The following SGMS2 variants were observed in gnomAD, a reference collection of about 807,000 sequenced individuals.
SGMS2 encodes the protein phosphatidylcholine:ceramide cholinephosphotransferase 2.
Under a neutral mutation model 43.8 loss-of-function variants are expected in SGMS2, and 21 were observed. That is an observed-to-expected ratio of 0.48 (90% CI 0.34 to 0.69). SGMS2 has a LOEUF of 0.69. Ranked by LOEUF, SGMS2 falls within the 30% of genes least tolerant of loss-of-function variation. SGMS2 has a pLI of 0.01. For synonymous variants in SGMS2, 167 were observed against 160.6 expected (o/e 1.04, Z -0.30); for missense variants, 384 against 443.2 (o/e 0.87, Z 1.20).
At chr4:107,824,782 C>T (rs1725470677), upstream of SGMS2, 1 of 152,378 alleles carries the variant, frequency 6.6e-6, no homozygotes, top group Admixed American at 6.5e-5. Flanking sequence ...ACTGCTGCCA[C>T]CGGGCCGACG....
At chr4:107,876,721 C>CT (rs1215640679) in intron 2 of SGMS2, among the ~76,000 whole-genome samples, 36 of 151,978 alleles carry the variant, frequency 2.4e-4, no homozygotes, top group East Asian at 9.7e-4. Flanking sequence ...GAGAACTATT[C>CT]TTTTTTTTCA....
At chr4:107,867,943 C>T (rs1327037021) in intron 2 of SGMS2, 2 of 152,076 alleles carry the variant, frequency 1.3e-5, no homozygotes, top group East Asian at 3.9e-4. Flanking sequence ...TAATAGGATA[C>T]ATAGTCAAAA....
chr4:107,830,242 G>A (rs1725816468), intron 1 of SGMS2, among the ~76,000 whole-genome samples: 1 of 152,174 alleles, frequency 6.6e-6, no homozygotes, highest in Non-Finnish European at 1.5e-5. Context: ...AGTATTCCAT[G>A]GTATGTATGT....
intron 2 of SGMS2, chr4:107,894,322 C>T (rs902336395): frequency 6.6e-6 from 1 of 152,274 alleles, no homozygotes; most frequent in African/African-American, 2.4e-5. Context: ...TGTAGCAGGA[C>T]TAAAAGACTG....
intron 1 of SGMS2, among the ~76,000 whole-genome samples, chr4:107,833,253 T>C (rs957808056): frequency 1.3e-5 from 2 of 152,222 alleles, no homozygotes; most frequent in African/African-American, 2.4e-5. Context: ...TTTTCATTTG[T>C]TGTAAATTAA....
intron 2 of SGMS2, chr4:107,867,149 C>CTCT (rs2126046406): frequency 6.6e-6 from 1 of 152,310 alleles, no homozygotes; most frequent in Non-Finnish European, 1.5e-5. Context: ...CCCCAAGACT[C>CTCT]TCTGTACTGT....
intron 2 of SGMS2, among the ~76,000 whole-genome samples, chr4:107,865,308 C>T (rs951989076): frequency 1.3e-5 from 2 of 152,250 alleles, no homozygotes; most frequent in Non-Finnish European, 2.9e-5. Flanking sequence ...TAATCTTTTA[C>T]GAGAGAGGTC....
chr4:107,905,218 C>T (rs1731456408), intron 5 of SGMS2, among the ~76,000 whole-genome samples: 1 of 152,174 alleles, frequency 6.6e-6, no homozygotes, highest in Middle Eastern at 3.4e-3. Flanking sequence ...TGGTGGAAGG[C>T]AAAAGGCATG....
In SGMS2 at chr4:107,835,326, G is replaced by A. The variant is rs1010646986; in HGVS notation, c.-327+10073G>A. ...ATTGGAAACTCAAACCATAGAGACA[G>A]AATATTTTCATATTTGTAATACTTT... On this transcript the variant is annotated intron_variant, in intron 1 of 6. Transcript: ENST00000690982. Among the ~76,000 whole-genome samples, 9 of 152,136 alleles carry A rather than the reference G, an allele frequency of 5.9e-5. No individual in the cohort carries two copies. The East Asian group carries it at 1.3e-3, about 23-fold the overall frequency.
At chr4:107,857,918 T>C (rs1727512848) in intron 1 of SGMS2, among the ~76,000 whole-genome samples, 1 of 152,228 alleles carries the variant, frequency 6.6e-6, no homozygotes, top group African/African-American at 2.4e-5. Flanking sequence ...TTCCATTCTT[T>C]TTAAACCTTC....
intron 5 of SGMS2, 43 bp downstream of exon 5, chr4:107,903,429 G>T (rs758871796): frequency 6.3e-7 from 1 of 1,599,754 alleles, no homozygotes; most frequent in South Asian, 1.1e-5. Context: ...GCTGTAGTGG[G>T]AGGGATCCCT....
intron 2 of SGMS2, among the ~76,000 whole-genome samples, chr4:107,875,728 A>G (rs1728868123): frequency 6.6e-6 from 1 of 152,234 alleles, no homozygotes; most frequent in Non-Finnish European, 1.5e-5. Flanking sequence ...TAGACTGTAT[A>G]TGAATGGTCT....
intron 5 of SGMS2, among the ~76,000 whole-genome samples, chr4:107,904,484 G>A (rs1184485870): frequency 1.3e-5 from 2 of 152,152 alleles, no homozygotes; most frequent in Non-Finnish European, 2.9e-5. Flanking sequence ...GGGTATTTAA[G>A]TTCTGCTTTG....
chr4:107,884,257 T>C (rs992565989), intron 2 of SGMS2, among the ~76,000 whole-genome samples: 7 of 152,216 alleles, frequency 4.6e-5, no homozygotes, highest in African/African-American at 1.7e-4. Flanking sequence ...ATGTATGGAC[T>C]TCAGAGTAAT....
chr4:107,895,714 A>G lies in SGMS2; in HGVS notation c.161A>G (p.Lys54Arg), dbSNP rs142747002. Reference sequence around the variant, plus strand: ...TCCAGTGGGCTGCGAAAAGGCACCAAAAAGTACCCGGACTATATCCAAATT... The same window carrying G: ...TCCAGTGGGCTGCGAAAAGGCACCAGAAAGTACCCGGACTATATCCAAATT... The part of the protein sequence containing the change: ...SLSSGLRKGT[K>R]KYPDYIQIAM... The change falls in exon 3 of 7, where the codon AAA (lysine) becomes AGA (arginine). Residue 54 changes from lysine to arginine, a missense_variant. Physicochemically the swap from Lys to Arg is conservative, Grantham distance 26. Transcript: ENST00000690982. The G allele has an allele frequency of 1.5e-4, 237 of 1,613,996 alleles. No homozygotes were observed. In the African/African-American group the frequency reaches 2.7e-3, roughly 18 times the overall value.
At chr4:107,902,663 C>G (rs1731224593) in intron 4 of SGMS2, among the ~76,000 whole-genome samples, 1 of 152,148 alleles carries the variant, frequency 6.6e-6, no homozygotes, top group Non-Finnish European at 1.5e-5. Context: ...CAAAGCTACT[C>G]ATTTTTAAAG....
chr4:107,834,900 T>C (rs1381122265), intron 1 of SGMS2, among the ~76,000 whole-genome samples: 1 of 152,050 alleles, frequency 6.6e-6, no homozygotes, highest in Admixed American at 6.6e-5. Flanking sequence ...CCAGGTGTAG[T>C]GGCACACACA....
intron 1 of SGMS2, among the ~76,000 whole-genome samples, chr4:107,857,155 ATGT>A (rs1727471520): frequency 6.6e-6 from 1 of 152,198 alleles, no homozygotes; most frequent in African/African-American, 2.4e-5. Context: ...ACTTAGAATA[ATGT>A]TGTCAGGATT....
At chr4:107,834,824 G>A (rs929712805) in intron 1 of SGMS2, among the ~76,000 whole-genome samples, 2 of 152,132 alleles carry the variant, frequency 1.3e-5, no homozygotes, top group Admixed American at 6.5e-5. Context: ...ATCACTTAAG[G>A]CCAGGAGTTT....
Sources: allele counts gnomAD v4.1 joint callset (sites outside exome capture counted in the v4.1 genomes callset), GRCh38; gene constraint gnomAD v4.1.1; transcripts MANE v1.5; gene names NCBI Gene and HGNC (gene_info 2026-07-23, HGNC 2026-07-21).